The following RYK variants were observed in gnomAD, a reference collection of about 807,000 sequenced individuals.
RYK encodes inactive tyrosine-protein kinase RYK.
A neutral mutation model predicts 70.2 loss-of-function variants in RYK; 21 were observed. That is an observed-to-expected ratio of 0.30 (90% CI 0.21 to 0.43). The LOEUF is 0.43. Among genes scored for constraint, RYK ranks in the 20% least tolerant of loss-of-function variants. The pLI is 1.00. For synonymous variants in RYK, 267 were observed against 278.0 expected (o/e 0.96, Z 0.39); for missense variants, 604 against 753.3 (o/e 0.80, Z 2.32).
chr3:134,225,659 G>T (rs2014885432), intron 1 of RYK, among the ~76,000 whole-genome samples: 1 of 152,124 alleles, frequency 6.6e-6, no homozygotes, highest in Non-Finnish European at 1.5e-5. Flanking sequence ...TTCAAGACCA[G>T]CCTGGGCAAC....
chr3:134,218,163 C>T (rs1260580014), intron 2 of RYK, among the ~76,000 whole-genome samples: 1 of 152,124 alleles, frequency 6.6e-6, no homozygotes, highest in Non-Finnish European at 1.5e-5. Flanking sequence ...CAACTACTGT[C>T]GAGTGTACCC....
At chr3:134,182,765 A>C (rs1057054648) in intron 10 of RYK, among the ~76,000 whole-genome samples, 2 of 152,212 alleles carry the variant, frequency 1.3e-5, no homozygotes, top group South Asian at 2.1e-4. Flanking sequence ...GATCAGCTAG[A>C]TTAGCTATGA....
chr3:134,173,781 A>G (rs1200806514), intron 13 of RYK, among the ~76,000 whole-genome samples: 1 of 152,320 alleles, frequency 6.6e-6, no homozygotes, highest in African/African-American at 2.4e-5. Context: ...AAAGGAAAAA[A>G]AATTTATTTA....
intron 2 of RYK, among the ~76,000 whole-genome samples, chr3:134,216,923 C>T (rs565962782): frequency 1.3e-5 from 2 of 150,558 alleles, no homozygotes; most frequent in African/African-American, 4.9e-5. Flanking sequence ...CAGTAGCCTG[C>T]TTTTAAGTGT....
intron 2 of RYK, among the ~76,000 whole-genome samples, chr3:134,218,743 T>C (rs1246137900): frequency 2.6e-5 from 4 of 152,140 alleles, no homozygotes; most frequent in Non-Finnish European, 5.9e-5. Flanking sequence ...TAAGGTGGCT[T>C]TGTGGAGGGT....
At chr3:134,250,399 C>A in intron 1 of RYK, 24 bp downstream of exon 1, 2 of 1,359,356 alleles carry the variant, frequency 1.5e-6, no homozygotes, top group Non-Finnish European at 1.9e-6. Context: ...ACCTGCCCGC[C>A]CCGGCCTCGG....
chr3:134,246,743 C>T (rs1216642872), intron 1 of RYK, among the ~76,000 whole-genome samples: 1 of 152,096 alleles, frequency 6.6e-6, no homozygotes, highest in African/African-American at 2.4e-5. Flanking sequence ...ATTTATCTCC[C>T]ATCATTCCTT....
intron 2 of RYK, among the ~76,000 whole-genome samples, chr3:134,216,587 T>C (rs1485192071): frequency 2.6e-5 from 4 of 151,598 alleles, no homozygotes; most frequent in East Asian, 1.9e-4. Flanking sequence ...TGTGAGGAAA[T>C]TGAGACCATC....
At chr3:134,198,830 CAGTT>C (rs1273585246) in intron 6 of RYK, among the ~76,000 whole-genome samples, 3 of 152,142 alleles carry the variant, frequency 2.0e-5, no homozygotes, top group African/African-American at 7.2e-5. Context: ...ATGTGTCAGA[CAGTT>C]AGGCATTAAA....
At chr3:134,193,968 C>T (rs916116093) in intron 7 of RYK, among the ~76,000 whole-genome samples, 2 of 152,110 alleles carry the variant, frequency 1.3e-5, no homozygotes, top group South Asian at 2.1e-4. Flanking sequence ...TACCTAGGTC[C>T]CCTACTTTTA....
At chr3:134,192,817 T>G (rs559113634) in intron 7 of RYK, among the ~76,000 whole-genome samples, 1 of 152,160 alleles carries the variant, frequency 6.6e-6, no homozygotes, top group Non-Finnish European at 1.5e-5. Context: ...TTACAATGCA[T>G]GTAGACTGAC....
rs1218768080 is a variant in RYK, at chr3:134,211,584, T to C, written c.378A>G (p.Gln126=). Residue 126 remains glutamine, a synonymous_variant, in exon 3 of 15, where the codon CAA becomes CAG. Coordinates refer to ENST00000623711, the MANE Select transcript of RYK (RefSeq NM_002958.4). ...KSKVEYKLGF[Q]VDNVLAMDMP... is the part of the protein sequence containing the mutation. ...TATCCATTGCCAAAACATTGTCCACTTGGAATCCCAGCTTATATTCAACCT... is the reference window on the plus strand; with the variant it reads ...TATCCATTGCCAAAACATTGTCCACCTGGAATCCCAGCTTATATTCAACCT... The C allele has an allele frequency of 1.2e-6, 2 of 1,613,508 alleles. No individual in the cohort carries two copies. Among genetic ancestry groups the C allele is most frequent in the Non-Finnish European group, 8.5e-7 (1 of 1,179,636 alleles).
At chr3:134,209,531 C>T (rs1259224837) in intron 4 of RYK, among the ~76,000 whole-genome samples, 164 bp downstream of exon 4, 2 of 152,188 alleles carry the variant, frequency 1.3e-5, no homozygotes, top group Non-Finnish European at 2.9e-5. Context: ...TTCTTGGCTA[C>T]CAACCATCTG....
At chr3:134,244,639 G>A (rs2015407540) in intron 1 of RYK, among the ~76,000 whole-genome samples, 1 of 152,158 alleles carries the variant, frequency 6.6e-6, no homozygotes, top group Non-Finnish European at 1.5e-5. Context: ...GCCAACCAGA[G>A]TTTAAAAGCT....
intron 13 of RYK, among the ~76,000 whole-genome samples, chr3:134,170,126 A>T (rs929592386): frequency 5.3e-5 from 8 of 152,342 alleles, no homozygotes; most frequent in Middle Eastern, 3.4e-3. Context: ...AATTATCTAA[A>T]GCAAAGGCGA....
Position 134,203,741 on chromosome 3 carries a change from A to G in RYK, c.644-867T>C, listed in dbSNP as rs147356237. Reference sequence around the variant, plus strand: ...AACATACCAGTGCATAAAATATACTACAGCAGTGCTGTCCAACAGAACTTT... The same window carrying G: ...AACATACCAGTGCATAAAATATACTGCAGCAGTGCTGTCCAACAGAACTTT... On this transcript the variant is annotated intron_variant, in intron 5 of 14. Coordinates refer to ENST00000623711, the MANE Select transcript of RYK (RefSeq NM_002958.4). Among the ~76,000 whole-genome samples the G allele has an allele frequency of 4.2e-3, 642 of 152,370 alleles. 2 individuals are homozygous for G. Among genetic ancestry groups the G allele is most frequent in the African/African-American group, 0.015 (617 of 41,584 alleles).
At chr3:134,229,443 C>T (rs1385408323) in intron 1 of RYK, among the ~76,000 whole-genome samples, 1 of 150,120 alleles carries the variant, frequency 6.7e-6, no homozygotes, top group African/African-American at 2.4e-5. Context: ...CAAAGATTTC[C>T]TGGACAGGTG....
intron 9 of RYK, among the ~76,000 whole-genome samples, chr3:134,185,820 T>C (rs1576509832): frequency 6.6e-6 from 1 of 152,192 alleles, no homozygotes; most frequent in Non-Finnish European, 1.5e-5. Context: ...ATGTGTCATT[T>C]TATACTTACT....
chr3:134,245,189 C>A (rs1191267608), intron 1 of RYK, among the ~76,000 whole-genome samples: 2 of 152,146 alleles, frequency 1.3e-5, no homozygotes, highest in African/African-American at 2.4e-5. Flanking sequence ...CAAAAGACAG[C>A]ACTTTTAAAA....
Sources: gnomAD v4.1 joint callset for allele counts (sites outside exome capture counted in the v4.1 genomes callset) on GRCh38, gnomAD v4.1.1 for gene constraint, MANE v1.5 for transcripts, NCBI Gene and HGNC (gene_info 2026-07-23, HGNC 2026-07-21) for gene names.